RGS6: variants seen among roughly 807,000 people sequenced by gnomAD.
RGS6 encodes the protein regulator of G protein signaling 6.
A neutral mutation model predicts 78.5 loss-of-function variants in RGS6; 30 were observed. The ratio of observed to expected loss-of-function variants is 0.38; its 90% CI spans 0.29 to 0.52. The LOEUF (loss-of-function observed/expected upper bound fraction) is 0.52. Ranked by LOEUF, RGS6 falls within the 20% of genes least tolerant of loss-of-function variation. The probability of loss-of-function intolerance (pLI) is 0.85; values close to 1 mark genes in which losing one functional copy is unlikely to be tolerated. For missense variants in RGS6, 495 were observed against 609.7 expected, an observed-to-expected ratio of 0.81 and a Z score of 1.98; for synonymous variants, 206 against 206.0, an observed-to-expected ratio of 1.00 and a Z score of 0.00.
chr14:72,209,187 G>C (rs847289), intron 2 of RGS6, among the ~76,000 whole-genome samples: 50,540 of 152,120 alleles, frequency 0.33, 9,295 homozygotes, highest in South Asian at 0.48. Flanking sequence ...GCTGCAGTGA[G>C]CTATGATTGT....
intron 2 of RGS6, among the ~76,000 whole-genome samples, chr14:72,122,105 A>G (rs1219978026): frequency 1.3e-5 from 2 of 152,174 alleles, no homozygotes; most frequent in East Asian, 3.8e-4. Context: ...TATTGTATAG[A>G]AGATAATAGA....
chr14:72,289,345 C>G (rs879678026), intron 2 of RGS6, among the ~76,000 whole-genome samples: 4 of 151,960 alleles, frequency 2.6e-5, no homozygotes, highest in Non-Finnish European at 5.9e-5. Context: ...CTCTCTCTCT[C>G]TCTCACTCTC....
intron 2 of RGS6, among the ~76,000 whole-genome samples, chr14:72,049,781 C>A (rs757582248): frequency 6.6e-6 from 1 of 152,198 alleles, no homozygotes; most frequent in Non-Finnish European, 1.5e-5. Flanking sequence ...TCTGTTGACT[C>A]ATCCCTGCTT....
At chr14:72,309,448 G>T (rs568330122) in intron 2 of RGS6, among the ~76,000 whole-genome samples, 2 of 152,174 alleles carry the variant, frequency 1.3e-5, no homozygotes, top group African/African-American at 2.4e-5. Flanking sequence ...TGAGTGAGTG[G>T]ATACATATGT....
intron 2 of RGS6, among the ~76,000 whole-genome samples, chr14:72,281,144 CTT>C (rs11381940): frequency 1.2e-4 from 13 of 112,810 alleles, no homozygotes; most frequent in South Asian, 2.9e-4. Flanking sequence ...AAACAAGATT[CTT>C]TTTTTTTTTT....
At chr14:72,106,251 TACAC>T (rs2095629951) in intron 2 of RGS6, among the ~76,000 whole-genome samples, 1 of 152,336 alleles carries the variant, frequency 6.6e-6, no homozygotes, top group African/African-American at 2.4e-5. Context: ...AGACTCAAAC[TACAC>T]AAAATAAGCA....
At chr14:72,574,731 C>G in the RGS6 span, among the ~76,000 whole-genome samples, 1 of 152,118 alleles carries the variant, frequency 6.6e-6, no homozygotes, top group Admixed American at 6.5e-5. Context: ...CTCATTTGCC[C>G]TAGGAGGAAG....
intron 1 of RGS6, among the ~76,000 whole-genome samples, chr14:71,954,272 T>A (rs2092616202): frequency 6.6e-6 from 1 of 151,950 alleles, no homozygotes; most frequent in Non-Finnish European, 1.5e-5. Context: ...TCTCCTTTCT[T>A]TCTTCTCTTC....
intron 1 of RGS6, among the ~76,000 whole-genome samples, chr14:71,934,665 A>G (rs1004741089): frequency 6.6e-5 from 10 of 152,232 alleles, no homozygotes; most frequent in Admixed American, 4.6e-4. Flanking sequence ...TGCAACATAG[A>G]TGTTTTTGAA....
chr14:72,465,594 A>T lies in RGS6; in HGVS notation c.395-164A>T, dbSNP rs192882130. On this transcript the variant is annotated intron_variant, in intron 6 of 17. Coordinates refer to ENST00000553525, the MANE Select transcript of RGS6 (RefSeq NM_001204424.2). ...GATGGATGGATGGATGGATGGATGG[A>T]TGGATGGTTGGGTGGATGGGTGGAT... Among the ~76,000 whole-genome samples, 6,965 of 116,122 alleles carry T rather than the reference A, an allele frequency of 0.06. 110 individuals carry two copies. Among genetic ancestry groups the T allele is most frequent in the Middle Eastern group, 0.083 (19 of 228 alleles). The allele number at this position is 116,122 out of a possible 152,430, so 76.2% of individuals were successfully genotyped here. A position where few individuals can be genotyped will look rare whatever the true frequency, so the allele number is the denominator to read the frequency against.
intron 2 of RGS6, among the ~76,000 whole-genome samples, chr14:72,144,377 C>T (rs1466739934): frequency 6.6e-6 from 1 of 152,030 alleles, no homozygotes; most frequent in Non-Finnish European, 1.5e-5. Flanking sequence ...TTTTAAAACC[C>T]CTTTCCCCCG....
chr14:72,331,935 C>T (rs941250264), intron 2 of RGS6, among the ~76,000 whole-genome samples: 9 of 152,222 alleles, frequency 5.9e-5, no homozygotes, highest in African/African-American at 1.9e-4. Context: ...ATTATCTAAT[C>T]TCTGTTGCAT....
intron 3 of RGS6, among the ~76,000 whole-genome samples, chr14:72,443,380 G>T (rs1302985505): frequency 6.6e-6 from 1 of 152,236 alleles, no homozygotes; most frequent in Non-Finnish European, 1.5e-5. Flanking sequence ...CTGCTGTGCA[G>T]ACCTCCTCCG....
rs190786651 is a variant in RGS6, at chr14:72,421,826, A to G, written c.185-32702A>G. The G allele has an allele frequency of 2.9e-3, 445 of 152,398 alleles. 13 individuals are homozygous for G. Among genetic ancestry groups the G allele is most frequent in the Admixed American group, 0.025 (379 of 15,312 alleles). The allele number at this position is 152,398 out of a possible 1,614,324, so 9.4% of individuals were successfully genotyped here. A position where few individuals can be genotyped will look rare whatever the true frequency, so the allele number is the denominator to read the frequency against. ...CTCCTCCCTTGGAGGCCACTGTGCT[A>G]TGTAACTTGCTGTGGGCTGCAAGAA... On this transcript the variant is annotated intron_variant, in intron 3 of 17. Transcript: ENST00000553525.
chr14:72,544,875 C>T (rs2097371324), intron 17 of RGS6, among the ~76,000 whole-genome samples: 1 of 152,222 alleles, frequency 6.6e-6, no homozygotes, highest in Admixed American at 6.5e-5. Context: ...CAGCTCCAGG[C>T]CCAGGTGCTG....
intron 3 of RGS6, among the ~76,000 whole-genome samples, chr14:72,427,321 G>A (rs946338947): frequency 7.2e-5 from 11 of 152,098 alleles, no homozygotes; most frequent in African/African-American, 2.4e-4. Context: ...TTTATCATAG[G>A]TATGTATGTA....
At chr14:72,323,679 G>A (rs945939817) in intron 2 of RGS6, among the ~76,000 whole-genome samples, 1 of 151,352 alleles carries the variant, frequency 6.6e-6, no homozygotes, top group Admixed American at 6.6e-5. Context: ...GTGGGCACCT[G>A]TAATCCCAGC....
intron 3 of RGS6, 96 bp from the exon 4 acceptor site, chr14:72,454,432 T>A (rs1362399253): frequency 4.8e-6 from 6 of 1,254,592 alleles, no homozygotes; most frequent in African/African-American, 1.5e-5. Flanking sequence ...CAGTGTGGAC[T>A]GTTTGGAATT....
chr14:72,476,615 G>A lies in RGS6; in HGVS notation c.694-127G>A, dbSNP rs571669210. ...CATTCTCATCATTGAAGAAATAAAA[G>A]CAGAGACCAATCTCTTATTGTCATG... is the stretch of plus-strand genomic sequence containing the variant. On this transcript the variant is annotated intron_variant, in intron 10 of 17. Transcript: ENST00000553525. The A allele has an allele frequency of 6.6e-5, 43 of 655,796 alleles. No individual in the cohort carries two copies. In the South Asian group the frequency reaches 7.9e-4, roughly 12 times the overall value. The allele number at this position is 655,796 out of a possible 1,614,324, so 40.6% of individuals were successfully genotyped here.
Sources: gnomAD v4.1 joint callset for allele counts (sites outside exome capture counted in the v4.1 genomes callset) on GRCh38, gnomAD v4.1.1 for gene constraint, MANE v1.5 for transcripts, NCBI Gene and HGNC (gene_info 2026-07-23, HGNC 2026-07-21) for gene names.